Variants in SORCS1 observed in about 807,000 individuals in gnomAD.
SORCS1 encodes VPS10 domain-containing receptor SorCS1.
In SORCS1, 60 loss-of-function variants were observed where a neutral mutation model predicts 146.1. The observed-to-expected ratio is 0.41, with a 90% CI of 0.33 to 0.51. SORCS1 has a LOEUF of 0.51. Ranked by LOEUF, SORCS1 falls within the 20% of genes least tolerant of loss-of-function variation. The pLI is 0.21. For synonymous variants in SORCS1, 637 were observed against 584.0 expected (o/e 1.09, Z -1.31); for missense variants, 1,352 against 1,487.6 (o/e 0.91, Z 1.50).
At chr10:106,765,322 T>G (rs879938939) in intron 4 of SORCS1, among the ~76,000 whole-genome samples, 2 of 151,798 alleles carry the variant, frequency 1.3e-5, no homozygotes, top group Admixed American at 6.6e-5. Context: ...TATGCTACTC[T>G]GGGGCTATTA....
At chr10:107,139,683 T>A (rs1437802636) in intron 1 of SORCS1, among the ~76,000 whole-genome samples, 1 of 152,230 alleles carries the variant, frequency 6.6e-6, no homozygotes, top group Non-Finnish European at 1.5e-5. Flanking sequence ...GCTCTCCATA[T>A]GCCAAACCAT....
chr10:106,936,518 A>G (rs1953728454), intron 2 of SORCS1, among the ~76,000 whole-genome samples: 1 of 152,168 alleles, frequency 6.6e-6, no homozygotes, highest in Non-Finnish European at 1.5e-5. Flanking sequence ...AATGGAGGGA[A>G]CTCACATTTA....
chr10:107,165,284 C>CGTGTGTGTGTGT (rs1424930240), upstream of SORCS1, among the ~76,000 whole-genome samples: 5 of 72,976 alleles, frequency 6.9e-5, no homozygotes, highest in African/African-American at 2.1e-4. This position sits in a 1 kb window ranked among gnomAD's most constrained non-coding sequence, Gnocchi z 4.0. Context: ...TAAATGATCT[C>CGTGTGTGTGTGT]GTGTGTGAGT....
intron 5 of SORCS1, among the ~76,000 whole-genome samples, chr10:106,751,058 CAAAAAAAAAAAAAAAAAAAAAA>C (rs35691571): frequency 8.9e-5 from 2 of 22,430 alleles, no homozygotes; most frequent in African/African-American, 1.3e-4. Flanking sequence ...GACTCCGTCT[CAAAAAAAAAAAAAAAAAAAAAA>C]AAAAAAAAAA....
At chr10:106,919,475 A>G (rs1465663341) in intron 2 of SORCS1, among the ~76,000 whole-genome samples, 1 of 152,220 alleles carries the variant, frequency 6.6e-6, no homozygotes, top group African/African-American at 2.4e-5. Context: ...CTGTCCAGGA[A>G]CATGTAAGGA....
chr10:107,174,029 T>A, the SORCS1 span, among the ~76,000 whole-genome samples: 1 of 152,226 alleles, frequency 6.6e-6, no homozygotes, highest in Non-Finnish European at 1.5e-5. Context: ...CTAGGAATGA[T>A]GGACTTTTTA....
At chr10:106,902,145 G>T (rs779247340) in intron 2 of SORCS1, among the ~76,000 whole-genome samples, 3 of 152,084 alleles carry the variant, frequency 2.0e-5, no homozygotes, top group Non-Finnish European at 4.4e-5. Context: ...AGGCACTCTG[G>T]TATAATATCA....
chr10:106,706,966 T>A (rs1435354663), intron 7 of SORCS1, among the ~76,000 whole-genome samples: 1 of 152,166 alleles, frequency 6.6e-6, no homozygotes, highest in Non-Finnish European at 1.5e-5. Context: ...GACCCAAGTC[T>A]ATGACCCTAC....
chr10:106,670,418 A>G (rs1300679700), intron 16 of SORCS1, among the ~76,000 whole-genome samples: 2 of 152,224 alleles, frequency 1.3e-5, no homozygotes, highest in Non-Finnish European at 2.9e-5. Context: ...CTTTATCACT[A>G]CGTTCACCGA....
At chr10:106,830,787 T>C (rs1948510310) in intron 2 of SORCS1, among the ~76,000 whole-genome samples, 1 of 151,838 alleles carries the variant, frequency 6.6e-6, no homozygotes, top group Non-Finnish European at 1.5e-5. Context: ...TCCGAGCTAC[T>C]TGGGAGGCTG....
rs556993428 is a variant in SORCS1, at chr10:106,937,122, G to C, written c.626+19391C>G. Among the ~76,000 whole-genome samples the C allele has an allele frequency of 1.1e-4, 17 of 152,018 alleles. No homozygotes were observed. The South Asian group carries it at 3.5e-3, about 32-fold the overall frequency. The stretch of plus-strand genomic sequence containing the variant: ...GGGAGGTAACTGAATCATGGGGGTA[G>C]GTTTTTCCCATGCTGTTCTTGTTAT... On this transcript the variant is annotated intron_variant, in intron 2 of 25. Coordinates refer to ENST00000263054, the MANE Select transcript of SORCS1 (RefSeq NM_052918.5).
intron 1 of SORCS1, among the ~76,000 whole-genome samples, chr10:107,098,857 T>C (rs1964723429): frequency 6.6e-6 from 1 of 152,160 alleles, no homozygotes; most frequent in Admixed American, 6.5e-5. Context: ...AAACCATAAC[T>C]TAGAGGTGTT....
At chr10:106,701,570 A>G (rs1334272741) in intron 8 of SORCS1, among the ~76,000 whole-genome samples, 1 of 152,206 alleles carries the variant, frequency 6.6e-6, no homozygotes, top group Admixed American at 6.5e-5. Context: ...GGATGAAACC[A>G]ATCCTGATGA....
chr10:106,865,259 G>T (rs1471493478), intron 2 of SORCS1, among the ~76,000 whole-genome samples: 1 of 151,804 alleles, frequency 6.6e-6, no homozygotes, highest in Non-Finnish European at 1.5e-5. Flanking sequence ...GTGCATTTGA[G>T]CTGGCAATGG....
At chr10:106,912,618 T>C (rs1005254037) in intron 2 of SORCS1, among the ~76,000 whole-genome samples, 5 of 152,206 alleles carry the variant, frequency 3.3e-5, no homozygotes, top group Admixed American at 2.6e-4. Flanking sequence ...ATATAAAATA[T>C]AGATTCCTGG....
intron 1 of SORCS1, among the ~76,000 whole-genome samples, chr10:107,058,105 G>C (rs747974066): frequency 6.6e-6 from 1 of 152,202 alleles, no homozygotes; most frequent in African/African-American, 2.4e-5. Context: ...GCAGTGGTGC[G>C]ATCTTGGCTC....
At chr10:106,975,090 C>T (rs934679815) in intron 1 of SORCS1, among the ~76,000 whole-genome samples, 7 of 152,086 alleles carry the variant, frequency 4.6e-5, no homozygotes, top group African/African-American at 1.4e-4. Context: ...AAAGCAAAAC[C>T]CTCCCATTCT....
At chr10:106,702,351 C>T (rs994221009) in intron 8 of SORCS1, among the ~76,000 whole-genome samples, 1 of 152,200 alleles carries the variant, frequency 6.6e-6, no homozygotes, top group African/African-American at 2.4e-5. Flanking sequence ...ACCTGACCCC[C>T]GCATAGCTAA....
intron 2 of SORCS1, among the ~76,000 whole-genome samples, chr10:106,911,445 T>A (rs892768167): frequency 6.6e-6 from 1 of 152,148 alleles, no homozygotes; most frequent in Non-Finnish European, 1.5e-5. Flanking sequence ...CTTCTCCTCT[T>A]AAATTTCATA....
Sources: allele counts gnomAD v4.1 joint callset (sites outside exome capture counted in the v4.1 genomes callset), GRCh38; gene constraint gnomAD v4.1.1; non-coding constraint Gnocchi (gnomAD v3.1); transcripts MANE v1.5; gene names NCBI Gene and HGNC (gene_info 2026-07-23, HGNC 2026-07-21).